RXFP1: variants seen among roughly 807,000 people sequenced by gnomAD.
The protein encoded by RXFP1 is relaxin receptor 1.
Under a neutral mutation model 89.8 loss-of-function variants are expected in RXFP1, and 73 were observed. The ratio of observed to expected loss-of-function variants is 0.81; its 90% CI spans 0.67 to 0.99. The LOEUF is 0.99. Among genes scored for constraint, RXFP1 ranks in the 50% least tolerant of loss-of-function variants. The probability of loss-of-function intolerance (pLI) is 0.00; values close to 1 mark genes in which losing one functional copy is unlikely to be tolerated. For synonymous variants in RXFP1, 277 were observed against 305.5 expected (o/e 0.91, Z 0.97); for missense variants, 793 against 895.5 (o/e 0.89, Z 1.46).
chr4:158,637,299 G>T (rs1769377640), intron 12 of RXFP1, among the ~76,000 whole-genome samples: 1 of 151,998 alleles, frequency 6.6e-6, no homozygotes, highest in South Asian at 2.1e-4. Flanking sequence ...TTCAATTTTT[G>T]ATTTTTGAGG....
intron 2 of RXFP1, 160 bp downstream of exon 2, chr4:158,572,995 C>A: frequency 1.8e-6 from 2 of 1,106,838 alleles, no homozygotes; most frequent in Non-Finnish European, 2.5e-6. Context: ...TTAAAATATC[C>A]ACTCTTTTCT....
Position 158,651,946 on chromosome 4 carries a change from T to C in RXFP1, c.2165T>C (p.Met722Thr), listed in dbSNP as rs766478256. ...GCTCCATCATTCATCTGGGTGGAAATGTGGCCACTGCAGGAGATGCCACCT... is the reference window on the plus strand; with the variant it reads ...GCTCCATCATTCATCTGGGTGGAAACGTGGCCACTGCAGGAGATGCCACCT... ...TYAPSFIWVE[M>T]WPLQEMPPEL... Residue 722 changes from methionine (M) to threonine (T), a missense_variant, in exon 18 of 18, where the codon ATG becomes ACG. Physicochemically the swap from Met to Thr is moderately conservative, Grantham distance 81 (BLOSUM62 -1). Coordinates refer to ENST00000307765, the MANE Select transcript of RXFP1 (RefSeq NM_021634.4). The C allele has an allele frequency of 4.3e-5, 70 of 1,614,180 alleles. No individual in the cohort carries two copies. The highest frequency in any genetic ancestry group is 5.8e-5 in the Non-Finnish European group (69 of 1,180,026).
intron 1 of RXFP1, among the ~76,000 whole-genome samples, chr4:158,568,779 TTCTC>T (rs1051364290): frequency 2.0e-5 from 3 of 152,238 alleles, no homozygotes; most frequent in Admixed American, 6.5e-5. Context: ...CATGGATTGC[TTCTC>T]TCTATGAGAA....
intron 8 of RXFP1, among the ~76,000 whole-genome samples, chr4:158,616,636 C>G (rs1438387045): frequency 2.8e-5 from 4 of 144,928 alleles, no homozygotes; most frequent in African/African-American, 7.6e-5. Context: ...TTATTACTAT[C>G]AAGTATTTAC....
chr4:158,618,213 A>G (rs1385799959), intron 9 of RXFP1, among the ~76,000 whole-genome samples: 1 of 152,122 alleles, frequency 6.6e-6, no homozygotes, highest in Non-Finnish European at 1.5e-5. Flanking sequence ...AAATGAATAC[A>G]TTAGCATCTA....
rs888319545 is a variant in RXFP1 at position 158,651,857 on chromosome 4, T to A, written c.2076T>A (p.Ile692=). The A allele has an allele frequency of 1.2e-6, 2 of 1,614,134 alleles. No individual in the cohort carries two copies. The change falls in exon 18 of 18, where the codon ATT becomes ATA. Residue 692 remains isoleucine (I), a synonymous_variant. Transcript: ENST00000307765. ...TLTTRPFKEM[I]HRFWYNYRQR... is the part of the protein sequence containing the mutation. ...CCACAAGACCATTTAAAGAAATGAT[T>A]CATCGGTTTTGGTATAACTACAGAC...
chr4:158,644,599 C>T lies in RXFP1; in HGVS notation c.1116-310C>T, dbSNP rs74707117. On this transcript the variant is annotated intron_variant, in intron 14 of 17. Transcript: ENST00000307765. ...TTACGTATACTAACCATTGCGAGTA[C>T]GATAACGGTTTCTCTGGAGGGATTC... 8.5e-3 allele frequency among the ~76,000 whole-genome samples: 1,286 copies of T among 152,090 alleles called. 13 individuals are homozygous for T. Among genetic ancestry groups the T allele is most frequent in the African/African-American group, 0.028 (1,181 of 41,494 alleles).
chr4:158,541,350 G>GCACACACACACAAACACA (rs1553993589), intron 1 of RXFP1, among the ~76,000 whole-genome samples: 1 of 139,794 alleles, frequency 7.2e-6, no homozygotes. Flanking sequence ...AGAGCTTCAT[G>GCACACACACACAAACACA]CACACACACA....
intron 2 of RXFP1, among the ~76,000 whole-genome samples, chr4:158,589,464 T>C (rs1330793871): frequency 6.6e-6 from 1 of 152,196 alleles, no homozygotes; most frequent in African/African-American, 2.4e-5. Flanking sequence ...CCAATTTGTG[T>C]TCTGCAGCAT....
chr4:158,589,070 C>T (rs533314728), intron 2 of RXFP1, among the ~76,000 whole-genome samples: 1 of 152,146 alleles, frequency 6.6e-6, no homozygotes, highest in Non-Finnish European at 1.5e-5. Flanking sequence ...AACTTACAAT[C>T]GTGACCAAAG....
At chr4:158,599,815 C>T (rs1364835678) in intron 4 of RXFP1, among the ~76,000 whole-genome samples, 1 of 151,762 alleles carries the variant, frequency 6.6e-6, no homozygotes, top group African/African-American at 2.4e-5. Context: ...TTTATTGGAC[C>T]CAAATTTTAA....
At position 158,647,162 on chromosome 4, in the gene RXFP1, A is replaced by G. The variant is rs1293772515; in HGVS notation, c.1717A>G (p.Ser573Gly). 1.2e-6 allele frequency: 2 copies of G among 1,606,058 alleles called. No homozygotes were observed. The highest frequency in any genetic ancestry group is 1.1e-5 in the South Asian group (1 of 89,728). Residue 573 changes from serine to glycine, a missense_variant, in exon 16 of 18, where the codon AGT (serine) becomes GGT (glycine). Ser to Gly is a moderately conservative substitution (Grantham distance 56). Coordinates refer to ENST00000307765, the MANE Select transcript of RXFP1 (RefSeq NM_021634.4). ...CCCTCTTCATTCAGAAGATACAGAA[A>G]GTATTGGAGCCCAGATTTATTCAGT... The part of the protein sequence containing the change: ...CFPLHSEDTE[S>G]IGAQIYSVAI...
At chr4:158,615,845 A>AG (rs1764458469) in intron 8 of RXFP1, among the ~76,000 whole-genome samples, 1 of 151,980 alleles carries the variant, frequency 6.6e-6, no homozygotes, top group South Asian at 2.1e-4. Flanking sequence ...CCAGCTACTC[A>AG]GGGGGCTGAG....
At chr4:158,591,261 T>C (rs1256463606) in intron 2 of RXFP1, among the ~76,000 whole-genome samples, 2 of 152,174 alleles carry the variant, frequency 1.3e-5, no homozygotes, top group Non-Finnish European at 2.9e-5. Flanking sequence ...GAAGTTTTAG[T>C]CTCTATTTGG....
chr4:158,632,180 G>T (rs1053305707), intron 11 of RXFP1, among the ~76,000 whole-genome samples: 1 of 152,164 alleles, frequency 6.6e-6, no homozygotes, highest in East Asian at 1.9e-4. Context: ...AGAACAATCT[G>T]TTGACAATTC....
At chr4:158,579,875 T>C (rs1377938073) in intron 2 of RXFP1, among the ~76,000 whole-genome samples, 4 of 152,200 alleles carry the variant, frequency 2.6e-5, no homozygotes, top group Non-Finnish European at 5.9e-5. Context: ...CACATGGTTT[T>C]TACCGGGTGT....
At chr4:158,527,466 C>A (rs1742809481) in intron 1 of RXFP1, among the ~76,000 whole-genome samples, 1 of 150,076 alleles carries the variant, frequency 6.7e-6, no homozygotes, top group African/African-American at 2.4e-5. Flanking sequence ...TCGCTTGAAC[C>A]CAGGAGGCAA....
At chr4:158,632,068 G>A (rs559052141) in intron 11 of RXFP1, among the ~76,000 whole-genome samples, 101 of 152,200 alleles carry the variant, frequency 6.6e-4, no homozygotes, top group Middle Eastern at 3.4e-3. Context: ...CACACAATGC[G>A]GTTTTGATTT....
chr4:158,551,438 G>A (rs1483157606), intron 1 of RXFP1, among the ~76,000 whole-genome samples: 1 of 152,140 alleles, frequency 6.6e-6, no homozygotes, highest in African/African-American at 2.4e-5. Flanking sequence ...GTACAGCATG[G>A]TGACTATAGT....
Sources: allele counts gnomAD v4.1 joint callset (sites outside exome capture counted in the v4.1 genomes callset), GRCh38; gene constraint gnomAD v4.1.1; transcripts MANE v1.5; gene names NCBI Gene and HGNC (gene_info 2026-07-23, HGNC 2026-07-21).